AFAP1: variants seen among roughly 807,000 people sequenced by gnomAD.
AFAP1 encodes the protein actin filament associated protein 1.
Under a neutral mutation model 93.9 loss-of-function variants are expected in AFAP1, and 75 were observed. The observed-to-expected ratio is 0.80, with a 90% CI of 0.66 to 0.97. The LOEUF is 0.97. AFAP1 is among the 50% of genes least tolerant of loss of function. AFAP1 has a pLI of 0.00. For missense variants in AFAP1, 1,201 were observed against 1,050.8 expected (o/e 1.14, Z -1.98); for synonymous variants, 517 against 430.7 (o/e 1.20, Z -2.48).
At chr4:7,801,433 T>TA (rs1229431368) in intron 9 of AFAP1, among the ~76,000 whole-genome samples, 2,058 of 146,522 alleles carry the variant, frequency 0.014, 38 homozygotes, top group African/African-American at 0.045. Flanking sequence ...TATCCTCATT[T>TA]AAAAAAAAAA....
chr4:7,764,380 T>G (rs970764096), intron 17 of AFAP1, among the ~76,000 whole-genome samples: 2 of 145,612 alleles, frequency 1.4e-5, no homozygotes, highest in African/African-American at 5.0e-5. Flanking sequence ...ATCATGTCTA[T>G]TTCAAAAAAT....
At chr4:7,861,384 T>C (rs1023956885) in intron 3 of AFAP1, among the ~76,000 whole-genome samples, 1 of 152,184 alleles carries the variant, frequency 6.6e-6, no homozygotes, top group Non-Finnish European at 1.5e-5. Context: ...AATTTTATAG[T>C]TTAAGCTGCG....
intron 3 of AFAP1, among the ~76,000 whole-genome samples, chr4:7,857,058 C>CT (rs1715151850): frequency 6.6e-6 from 1 of 152,174 alleles, no homozygotes; most frequent in African/African-American, 2.4e-5. Flanking sequence ...TATTCATATT[C>CT]TTTCTCTCTC....
At chr4:7,763,896 C>T in intron 17 of AFAP1, 105 bp from the exon 18 acceptor site, 1 of 1,080,282 alleles carries the variant, frequency 9.3e-7, no homozygotes, top group Non-Finnish European at 1.4e-6. Flanking sequence ...TGCTCGGCTA[C>T]TGCAGAAAAC....
intron 5 of AFAP1, among the ~76,000 whole-genome samples, chr4:7,839,540 C>T (rs1451006522): frequency 2.0e-5 from 3 of 152,032 alleles, no homozygotes; most frequent in Non-Finnish European, 4.4e-5. Flanking sequence ...ACCTATATTG[C>T]TTGTTATCTG....
intron 6 of AFAP1, among the ~76,000 whole-genome samples, chr4:7,835,088 A>G (rs374385341): frequency 1.4e-5 from 1 of 69,226 alleles, no homozygotes; most frequent in Non-Finnish European, 2.8e-5. Context: ...GGGCTGCCTT[A>G]AGGTTACCTG....
intron 1 of AFAP1, among the ~76,000 whole-genome samples, chr4:7,877,300 C>A (rs62289340): frequency 2.6e-5 from 4 of 152,078 alleles, no homozygotes; most frequent in South Asian, 2.1e-4. Flanking sequence ...GTGAAAGGCA[C>A]TGTGCTGGCA....
chr4:7,782,831 C>T (rs1288085602), intron 12 of AFAP1, among the ~76,000 whole-genome samples: 1 of 152,202 alleles, frequency 6.6e-6, no homozygotes, highest in African/African-American at 2.4e-5. Context: ...TTCAATGTGT[C>T]TATTTTTGTG....
At chr4:7,826,297 G>A (rs1226003574) in intron 6 of AFAP1, among the ~76,000 whole-genome samples, 1 of 152,218 alleles carries the variant, frequency 6.6e-6, no homozygotes, top group Non-Finnish European at 1.5e-5. Context: ...ACAGAGTTTG[G>A]AGAGTCCCCA....
chr4:7,904,197 T>A (rs188168641), intron 1 of AFAP1, among the ~76,000 whole-genome samples: 1 of 152,046 alleles, frequency 6.6e-6, no homozygotes, highest in Non-Finnish European at 1.5e-5. Flanking sequence ...CGAATGACAA[T>A]TGGCCAAACC....
intron 1 of AFAP1, among the ~76,000 whole-genome samples, chr4:7,874,573 C>G (rs1233311015): frequency 1.3e-5 from 1 of 78,430 alleles, no homozygotes; most frequent in Non-Finnish European, 2.3e-5. Context: ...TTAGTAGAAA[C>G]AGGGTTTCAC....
chr4:7,896,127 GGATTACAGCCACCATGCCTGGCTCA>G (rs1275341468), intron 1 of AFAP1, among the ~76,000 whole-genome samples: 5 of 151,828 alleles, frequency 3.3e-5, no homozygotes, highest in African/African-American at 1.2e-4. Context: ...TCCCAAACTG[GGATTACAGCCACCATGCCTGGCTCA>G]GAAAGTATTT....
At chr4:7,915,477 TAA>T (rs34939228) in intron 1 of AFAP1, among the ~76,000 whole-genome samples, 3 of 147,024 alleles carry the variant, frequency 2.0e-5, no homozygotes, top group Admixed American at 6.8e-5. Flanking sequence ...AAACCCCATC[TAA>T]AAAAAAAAAG....
At position 7,759,151 on chromosome 4, in the gene AFAP1, T is replaced by A. The variant is rs999510839; in HGVS notation, c.*4614A>T. 1.3e-5 allele frequency: 2 copies of A among 152,692 alleles called. No individual in the cohort carries two copies. The highest frequency in any genetic ancestry group is 3.8e-4 in the East Asian group (2 of 5,206). The allele number at this position is 152,692 out of a possible 1,614,324, so 9.5% of individuals were successfully genotyped here. On this transcript the variant is annotated 3_prime_UTR_variant, in exon 18 of 18. Transcript: ENST00000420658. ...TATCACTTAAAAGTTGATGTTAAAA[T>A]GTAAAGTGAATATTTCCTTTCTTGT...
intron 1 of AFAP1, among the ~76,000 whole-genome samples, chr4:7,905,951 G>A (rs951973790): frequency 6.6e-6 from 1 of 152,334 alleles, no homozygotes; most frequent in Middle Eastern, 3.4e-3. Flanking sequence ...GCAACGTGGA[G>A]GCAGGAGACA....
At chr4:7,897,259 C>T (rs961158818) in intron 1 of AFAP1, among the ~76,000 whole-genome samples, 9 of 152,130 alleles carry the variant, frequency 5.9e-5, no homozygotes, top group African/African-American at 2.2e-4. Flanking sequence ...AAAAACAGGA[C>T]ATCAGAGTAA....
At chr4:7,879,814 C>G (rs1320878267) in intron 1 of AFAP1, among the ~76,000 whole-genome samples, 1 of 151,324 alleles carries the variant, frequency 6.6e-6, no homozygotes, top group South Asian at 2.1e-4. Context: ...TGCAGGCACG[C>G]ACCACGACGC....
chr4:7,909,143 G>A (rs1381911281), intron 1 of AFAP1, among the ~76,000 whole-genome samples: 1 of 152,114 alleles, frequency 6.6e-6, no homozygotes, highest in African/African-American at 2.4e-5. Context: ...GATGATGGTG[G>A]TGTCATAATA....
intron 1 of AFAP1, among the ~76,000 whole-genome samples, chr4:7,923,808 C>T (rs952170523): frequency 2.0e-5 from 3 of 152,088 alleles, no homozygotes; most frequent in African/African-American, 4.8e-5. Flanking sequence ...CAGACCAGGG[C>T]CCACGCTCAT....
Sources: allele counts gnomAD v4.1 joint callset (sites outside exome capture counted in the v4.1 genomes callset), GRCh38; gene constraint gnomAD v4.1.1; transcripts MANE v1.5; gene names NCBI Gene and HGNC (gene_info 2026-07-23, HGNC 2026-07-21).